Variants in NEBL observed in about 807,000 individuals in gnomAD.
NEBL encodes the protein nebulette, also known as LIM and SH3 protein 2.
Under a neutral mutation model 140.2 loss-of-function variants are expected in NEBL, and 122 were observed. That is an observed-to-expected ratio of 0.87 (90% CI 0.75 to 1.01). NEBL has a LOEUF of 1.01. Among genes scored for constraint, NEBL ranks in the 50% least tolerant of loss-of-function variants. The pLI is 0.00. For synonymous variants in NEBL, 436 were observed against 398.9 expected (o/e 1.09, Z -1.11); for missense variants, 1,365 against 1,231.3 (o/e 1.11, Z -1.62).
intron 2 of NEBL, among the ~76,000 whole-genome samples, chr10:21,034,061 G>A (rs141594630): frequency 1.6e-4 from 24 of 151,176 alleles, no homozygotes; most frequent in Admixed American, 1.3e-3. Context: ...CAGCTACTAG[G>A]GGGGCTGAGG....
intron 11 of NEBL, among the ~76,000 whole-genome samples, chr10:20,845,745 G>A (rs1203241774): frequency 6.6e-6 from 1 of 152,058 alleles, no homozygotes; most frequent in Non-Finnish European, 1.5e-5. Flanking sequence ...CTGGTGGCAC[G>A]GAAGCCATTC....
intron 19 of NEBL, among the ~76,000 whole-genome samples, chr10:20,822,542 TCTAA>T (rs1457223430): frequency 2.0e-5 from 3 of 151,496 alleles, no homozygotes; most frequent in South Asian, 2.1e-4. Flanking sequence ...TAGGTAGTAG[TCTAA>T]CTAGATATAG....
intron 2 of NEBL, among the ~76,000 whole-genome samples, chr10:21,092,387 G>A (rs1349687177): frequency 6.6e-6 from 1 of 152,038 alleles, no homozygotes; most frequent in Non-Finnish European, 1.5e-5. Flanking sequence ...TTTAGTTTGT[G>A]CAAAACCCTG....
chr10:20,899,395 T>G (rs1281125145), upstream of NEBL: 2 of 1,303,790 alleles, frequency 1.5e-6, no homozygotes, highest in Non-Finnish European at 2.0e-6. Context: ...AGGCTTGCAG[T>G]GCAGTTATTT....
chr10:21,231,265 C>T (rs536692005), intron 3 of NEBL, among the ~76,000 whole-genome samples: 6 of 152,200 alleles, frequency 3.9e-5, no homozygotes, highest in East Asian at 1.9e-4. Context: ...AAAGGCTGGG[C>T]GCAGTGGCTC....
At chr10:20,880,291 C>G (rs1208048096) in intron 5 of NEBL, among the ~76,000 whole-genome samples, 3 of 152,266 alleles carry the variant, frequency 2.0e-5, no homozygotes, top group African/African-American at 7.2e-5. Flanking sequence ...ACCCGGCAGG[C>G]AGAGGTTGCA....
In NEBL at chr10:20,954,890, G is replaced by C. The variant is rs554020184; in HGVS notation, c.357+6782C>G. On this transcript the variant is annotated intron_variant, in intron 4 of 6. Transcript: ENST00000417816. ...GACTTGCAGGCAGAAGTGTGAAATG[G>C]ATGGGTTCAGATTGCAAGAGGGCCT... Among the ~76,000 whole-genome samples the C allele has an allele frequency of 2.6e-5, 4 of 152,316 alleles. No homozygotes were observed. In the South Asian group the frequency reaches 6.2e-4, roughly 24 times the overall value.
In NEBL at chr10:20,782,577, T is replaced by C. The variant is rs1835101465; in HGVS notation, c.*3170A>G. The C allele has an allele frequency of 6.6e-6, 1 of 152,240 alleles. No homozygotes were observed. 9.4% of individuals were successfully genotyped at this position (152,240 alleles called of 1,614,324 possible). A position where few individuals can be genotyped will look rare whatever the true frequency, so the allele number is the denominator to read the frequency against. On this transcript the variant is annotated 3_prime_UTR_variant, in exon 28 of 28. Coordinates refer to ENST00000377122, the MANE Select transcript of NEBL (RefSeq NM_006393.3). ...CCAGATCTGCATCTTCTTCAAGAAA[T>C]AAACCCAGTGGACAGAGAGGGGCTG...
chr10:21,138,021 C>T (rs1005701485), intron 2 of NEBL, among the ~76,000 whole-genome samples: 2 of 151,626 alleles, frequency 1.3e-5, no homozygotes, highest in Middle Eastern at 3.4e-3. Context: ...CAGCATGCTG[C>T]GAATGGTGGG....
intron 3 of NEBL, among the ~76,000 whole-genome samples, chr10:21,241,748 G>A (rs1050663112): frequency 1.3e-5 from 2 of 152,152 alleles, no homozygotes; most frequent in African/African-American, 2.4e-5. Context: ...TGAGTTCAGC[G>A]TGGTCAGCAG....
rs1245614554 is a variant in NEBL, at chr10:21,173,100, C to T, written c.70-623G>A. ...GTCACTCCGGATCGCTCCTGGGTGT[C>T]TCTCTCCCGGGCTGTTCATCTCCGT... On this transcript the variant is annotated intron_variant, in intron 1 of 6. Coordinates refer to the NEBL transcript ENST00000417816. The surrounding 1 kb of genome is among the most constrained non-coding windows in gnomAD (Gnocchi z 5.7). Among the ~76,000 whole-genome samples, 1 of 152,170 alleles carries T rather than the reference C, an allele frequency of 6.6e-6. No homozygotes were observed. The highest frequency in any genetic ancestry group is 1.5e-5 in the Non-Finnish European group (1 of 68,036).
At chr10:20,818,730 C>A (rs1333283970) in intron 20 of NEBL, 1 of 929,550 alleles carries the variant, frequency 1.1e-6, no homozygotes, top group Non-Finnish European at 1.3e-6. Flanking sequence ...GTGACCAGGA[C>A]AATGCCCAGT....
chr10:21,225,274 G>C (rs1190593508), intron 3 of NEBL, among the ~76,000 whole-genome samples: 1 of 152,070 alleles, frequency 6.6e-6, no homozygotes, highest in Non-Finnish European at 1.5e-5. Flanking sequence ...ATGGAGCTGG[G>C]GGAGAGGTGA....
chr10:20,878,767 A>T (rs1394096250), intron 5 of NEBL, among the ~76,000 whole-genome samples: 1 of 152,232 alleles, frequency 6.6e-6, no homozygotes, highest in South Asian at 2.1e-4. Context: ...GAGGAGTATA[A>T]GTAAACACAG....
Position 21,025,675 on chromosome 10 carries a change from G to C in NEBL, c.165-5474C>G, listed in dbSNP as rs526061. 1.3e-5 allele frequency among the ~76,000 whole-genome samples: 2 copies of C among 151,982 alleles called. 1 individual carries two copies. Among genetic ancestry groups the C allele is most frequent in the African/African-American group, 4.8e-5 (2 of 41,308 alleles). On this transcript the variant is annotated intron_variant, in intron 2 of 6. Transcript: ENST00000417816. The stretch of plus-strand genomic sequence containing the variant: ...AACACTCTCTTTTTATCCAGATTCC[G>C]GTGCTTATAGGAGCACAGGAGTCAA...
At chr10:21,026,468 A>G (rs972787714) in intron 2 of NEBL, among the ~76,000 whole-genome samples, 4 of 152,106 alleles carry the variant, frequency 2.6e-5, no homozygotes, top group Non-Finnish European at 5.9e-5. Flanking sequence ...AAATCTCTAA[A>G]CTTTGTTTTC....
chr10:21,022,067 A>G (rs1186788564), intron 2 of NEBL, among the ~76,000 whole-genome samples: 2 of 152,066 alleles, frequency 1.3e-5, no homozygotes, highest in East Asian at 3.9e-4. Context: ...TGTGCAGGTA[A>G]AGACTCAAAC....
At chr10:20,817,868 AC>A (rs1838892701) in intron 20 of NEBL, among the ~76,000 whole-genome samples, 176 bp from the exon 21 acceptor site, 1 of 152,232 alleles carries the variant, frequency 6.6e-6, no homozygotes. Flanking sequence ...TTTAGCAAGC[AC>A]AAGTTGTTGC....
At chr10:20,887,890 G>A (rs562632871) in intron 4 of NEBL, among the ~76,000 whole-genome samples, 21 of 152,328 alleles carry the variant, frequency 1.4e-4, no homozygotes, top group South Asian at 1.2e-3. Flanking sequence ...TCAGAAAACA[G>A]TACCATGTGA....
Sources: allele counts gnomAD v4.1 joint callset (sites outside exome capture counted in the v4.1 genomes callset), GRCh38; gene constraint gnomAD v4.1.1; non-coding constraint Gnocchi (gnomAD v3.1); transcripts MANE v1.5; gene names NCBI Gene and HGNC (gene_info 2026-07-23, HGNC 2026-07-21).